The following SORL1-AS1 variants were observed in gnomAD, a reference collection of about 807,000 sequenced individuals.
SORL1-AS1 encodes SORL1 antisense RNA 1.
In SORL1-AS1 at chr11:121,452,633, C is replaced by T; in HGVS notation, n.339+42G>A. On this transcript the variant is annotated intron_variant and non_coding_transcript_variant, in intron 1 of 1. Coordinates refer to ENST00000501964, the Ensembl canonical transcript of SORL1-AS1. This position sits in a 1 kb window ranked among gnomAD's most constrained non-coding sequence, Gnocchi z 5.3. ...TACGGACAGGTGAGCAGTTTTGCAA[C>T]CCGCCTCCCTCCAGTTTTTTCCTCT... is the stretch of plus-strand genomic sequence containing the variant. 6.9e-7 allele frequency: 1 copy of T among 1,446,040 alleles called. No individual in the cohort carries two copies. Among genetic ancestry groups the T allele is most frequent in the Non-Finnish European group, 9.1e-7 (1 of 1,102,910 alleles). The allele number at this position is 1,446,040 out of a possible 1,614,324, so 89.6% of individuals were successfully genotyped here.
downstream of SORL1-AS1, among the ~76,000 whole-genome samples, chr11:121,442,933 C>G (rs1406985387): frequency 6.6e-6 from 1 of 150,954 alleles, no homozygotes; most frequent in Non-Finnish European, 1.5e-5. Context: ...CCATCTCGGC[C>G]TCCCAAAGTG....
chr11:121,444,951 A>G (rs557905704), downstream of SORL1-AS1, among the ~76,000 whole-genome samples: 1 of 152,272 alleles, frequency 6.6e-6, no homozygotes, highest in South Asian at 2.1e-4. Context: ...AGAATTTTTC[A>G]CTCACCTCTT....
chr11:121,438,458 A>G, the SORL1-AS1 span, among the ~76,000 whole-genome samples: 1 of 152,108 alleles, frequency 6.6e-6, no homozygotes, highest in Admixed American at 6.5e-5. Flanking sequence ...CTCCCTCTAC[A>G]TTCTCACAGG....
At chr11:121,440,099 A>G in the SORL1-AS1 span, among the ~76,000 whole-genome samples, 1 of 152,168 alleles carries the variant, frequency 6.6e-6, no homozygotes, top group Non-Finnish European at 1.5e-5. Context: ...CAGGGTGGGC[A>G]TGGTGGCTCA....
chr11:121,452,254 G>C lies in SORL1-AS1; in HGVS notation n.339+421C>G. ...CCCCGGGAGCGGCGCGCGCGGTCCC[G>C]GCCCAGCGGCTCTCCTGGCCTCGCG... is the stretch of plus-strand genomic sequence containing the variant. On this transcript the variant is annotated intron_variant and non_coding_transcript_variant, in intron 1 of 1. Transcript: ENST00000501964. The surrounding 1 kb of genome is among the most constrained non-coding windows in gnomAD (Gnocchi z 5.3). 5 of 1,233,300 alleles carry C rather than the reference G, an allele frequency of 4.1e-6. No homozygotes were observed. The highest frequency in any genetic ancestry group is 5.2e-6 in the Non-Finnish European group (5 of 955,366). 76.4% of individuals were successfully genotyped at this position (1,233,300 alleles called of 1,614,324 possible).
chr11:121,445,503 T>C (rs767280670), downstream of SORL1-AS1, among the ~76,000 whole-genome samples: 20 of 152,106 alleles, frequency 1.3e-4, no homozygotes, highest in African/African-American at 4.8e-4. Flanking sequence ...CTCTCTCCAT[T>C]GGCCTTCCCA....
downstream of SORL1-AS1, among the ~76,000 whole-genome samples, chr11:121,446,956 T>G (rs1247380801): frequency 3.3e-5 from 5 of 152,138 alleles, no homozygotes. Context: ...CCCCAGTGAA[T>G]GTACAGCAAA....
At chr11:121,442,932 C>A (rs1860678546), downstream of SORL1-AS1, among the ~76,000 whole-genome samples, 1 of 151,176 alleles carries the variant, frequency 6.6e-6, no homozygotes, top group African/African-American at 2.4e-5. Flanking sequence ...TCCATCTCGG[C>A]CTCCCAAAGT....
intron 1 of SORL1-AS1, among the ~76,000 whole-genome samples, chr11:121,451,161 A>C (rs1267521435): frequency 6.6e-6 from 1 of 152,150 alleles, no homozygotes; most frequent in Non-Finnish European, 1.5e-5. Flanking sequence ...CTTATCAAAA[A>C]CCAGGATCTG....
downstream of SORL1-AS1, among the ~76,000 whole-genome samples, chr11:121,447,156 C>T (rs1190334760): frequency 6.6e-6 from 1 of 152,088 alleles, no homozygotes; most frequent in Non-Finnish European, 1.5e-5. Context: ...GAGGTTTGTC[C>T]TTGGGTCTAC....
downstream of SORL1-AS1, among the ~76,000 whole-genome samples, chr11:121,442,641 T>TTTTATTTA (rs369945985): frequency 3.4e-4 from 44 of 127,590 alleles, no homozygotes; most frequent in South Asian, 5.1e-4. Context: ...TCTCTCTCTC[T>TTTTATTTA]TTTATTTATT....
At position 121,452,395 on chromosome 11, in the gene SORL1-AS1, C is replaced by G. The variant is rs866322118; in HGVS notation, n.339+280G>C. 1.3e-6 allele frequency: 2 copies of G among 1,539,350 alleles called. No homozygotes were observed. The stretch of plus-strand genomic sequence containing the variant: ...GTTCCTATTCACCCTGGTCGCACTG[C>G]TGCCGCCCGGAGCTCTCTGCGAAGT... On this transcript the variant is annotated intron_variant and non_coding_transcript_variant, in intron 1 of 1. Coordinates refer to ENST00000501964, the Ensembl canonical transcript of SORL1-AS1. This position sits in a 1 kb window ranked among gnomAD's most constrained non-coding sequence, Gnocchi z 5.3.
Position 121,452,224 on chromosome 11 carries a change from T to C in SORL1-AS1, n.339+451A>G. The stretch of plus-strand genomic sequence containing the variant: ...GCGGCCCGGAGCGGCGCGGGCGGCC[T>C]GGAGCCCCGGGAGCGGCGCGCGCGG... On this transcript the variant is annotated intron_variant and non_coding_transcript_variant, in intron 1 of 1. Transcript: ENST00000501964. The surrounding 1 kb of genome is among the most constrained non-coding windows in gnomAD (Gnocchi z 5.3). The C allele has an allele frequency of 7.0e-6, 6 of 857,752 alleles. No homozygotes were observed. Among genetic ancestry groups the C allele is most frequent in the Non-Finnish European group, 9.1e-6 (6 of 662,928 alleles). 53.1% of individuals were successfully genotyped at this position (857,752 alleles called of 1,614,324 possible). A position where few individuals can be genotyped will look rare whatever the true frequency, so the allele number is the denominator to read the frequency against.
At chr11:121,446,957 G>A (rs1186843235), downstream of SORL1-AS1, among the ~76,000 whole-genome samples, 1 of 152,158 alleles carries the variant, frequency 6.6e-6, no homozygotes, top group Non-Finnish European at 1.5e-5. Context: ...CCCAGTGAAT[G>A]TACAGCAAAG....
At chr11:121,445,561 C>T (rs1270426458), downstream of SORL1-AS1, among the ~76,000 whole-genome samples, 1 of 152,126 alleles carries the variant, frequency 6.6e-6, no homozygotes, top group Admixed American at 6.5e-5. Flanking sequence ...CACACCCTAC[C>T]TTGCCGCCAC....
At chr11:121,438,228 A>G in the SORL1-AS1 span, among the ~76,000 whole-genome samples, 10 of 152,220 alleles carry the variant, frequency 6.6e-5, no homozygotes, top group East Asian at 1.9e-4. Flanking sequence ...TCTGATAAGC[A>G]TTAGTCTAGC....
intron 1 of SORL1-AS1, among the ~76,000 whole-genome samples, chr11:121,451,593 T>C (rs1325240254): frequency 2.6e-5 from 4 of 152,224 alleles, no homozygotes; most frequent in African/African-American, 9.6e-5. Flanking sequence ...CTTTGTCAGA[T>C]GTACCCTTGT....
Position 121,452,946 on chromosome 11 carries a change from T to G in SORL1-AS1, n.68A>C. ...ATCTGGATAAAAAACGGGCTTTCTTTAGTGTATCATCAGTTGGCAGTGGAG... is the reference window on the plus strand; with the variant it reads ...ATCTGGATAAAAAACGGGCTTTCTTGAGTGTATCATCAGTTGGCAGTGGAG... On this transcript the variant is annotated non_coding_transcript_exon_variant, in exon 1 of 2. Coordinates refer to ENST00000501964, the Ensembl canonical transcript of SORL1-AS1. The surrounding 1 kb of genome is among the most constrained non-coding windows in gnomAD (Gnocchi z 5.3). The G allele has an allele frequency of 7.9e-6, 2 of 252,780 alleles. No individual in the cohort carries two copies. Among genetic ancestry groups the G allele is most frequent in the East Asian group, 7.1e-5 (1 of 14,028 alleles). The allele number at this position is 252,780 out of a possible 1,614,324, so 15.7% of individuals were successfully genotyped here. A position where few individuals can be genotyped will look rare whatever the true frequency, so the allele number is the denominator to read the frequency against.
exon 2 of SORL1-AS1, chr11:121,449,614 C>T (rs539115639): frequency 1.3e-5 from 2 of 152,340 alleles, no homozygotes; most frequent in South Asian, 2.1e-4. Flanking sequence ...GGACTAGAAT[C>T]TATGTTTCTA....
Sources: gnomAD v4.1 joint callset for allele counts (sites outside exome capture counted in the v4.1 genomes callset) on GRCh38, gnomAD v4.1.1 for gene constraint, Gnocchi (gnomAD v3.1) non-coding constraint, MANE v1.5 for transcripts, NCBI Gene and HGNC (gene_info 2026-07-23, HGNC 2026-07-21) for gene names.